The following OIP5 variants were observed in gnomAD, a reference collection of about 807,000 sequenced individuals.
OIP5 encodes the protein Opa interacting protein 5, also known as protein Mis18-beta.
In OIP5, 24 loss-of-function variants were observed where a neutral mutation model predicts 20.3. That is an observed-to-expected ratio of 1.18 (90% CI 0.86 to 1.66). OIP5 has a LOEUF of 1.66. Ranked by LOEUF, OIP5 falls within the 40% of genes most tolerant of loss-of-function variation. OIP5 has a pLI of 0.00. For synonymous variants in OIP5, 143 were observed against 121.3 expected (o/e 1.18, Z -1.17); for missense variants, 339 against 289.5 (o/e 1.17, Z -1.24).
At chr15:41,319,124 G>A (rs2047806277) in intron 3 of OIP5, among the ~76,000 whole-genome samples, 1 of 150,552 alleles carries the variant, frequency 6.6e-6, no homozygotes. Flanking sequence ...AGGCTGGAGT[G>A]TAGTGGTGCA....
intron 2 of OIP5, among the ~76,000 whole-genome samples, chr15:41,330,994 AGT>A (rs1240846422): frequency 2.6e-5 from 4 of 152,076 alleles, no homozygotes; most frequent in Non-Finnish European, 1.5e-5. Flanking sequence ...AGCGATAGGG[AGT>A]GTCTTTTATT....
At chr15:41,326,165 AAAAC>A (rs921162245) in intron 2 of OIP5, among the ~76,000 whole-genome samples, 140 of 152,310 alleles carry the variant, frequency 9.2e-4, no homozygotes, top group Middle Eastern at 3.4e-3. Flanking sequence ...CCATCTCAAA[AAAAC>A]AAACAAACAA....
At chr15:41,312,935 C>G (rs918153290) in intron 4 of OIP5, among the ~76,000 whole-genome samples, 3 of 152,122 alleles carry the variant, frequency 2.0e-5, no homozygotes, top group African/African-American at 7.2e-5. Context: ...GCCAGGAATT[C>G]TTAATAACTG....
chr15:41,314,283 G>C (rs1481361617), intron 3 of OIP5, among the ~76,000 whole-genome samples: 1 of 152,104 alleles, frequency 6.6e-6, no homozygotes, highest in Non-Finnish European at 1.5e-5. Context: ...TGTATTTTTA[G>C]TAGAGATGGG....
intron 1 of OIP5, 104 bp downstream of exon 1, chr15:41,332,136 C>A: frequency 7.2e-7 from 1 of 1,398,516 alleles, no homozygotes; most frequent in South Asian, 1.2e-5. Flanking sequence ...TCCAACTTTT[C>A]ATCCCGTTTT....
intron 1 of OIP5, 89 bp from the exon 2 acceptor site, chr15:41,332,070 A>AT: frequency 7.1e-7 from 1 of 1,402,598 alleles, no homozygotes; most frequent in Non-Finnish European, 1.0e-6. Context: ...CTGGCCGTAA[A>AT]TATCAGGAGA....
chr15:41,317,511 C>G (rs189598196), intron 3 of OIP5, among the ~76,000 whole-genome samples: 174 of 151,988 alleles, frequency 1.1e-3, no homozygotes, highest in African/African-American at 4.1e-3. Context: ...TCCCAAGTAG[C>G]TAGGATTACA....
intron 2 of OIP5, among the ~76,000 whole-genome samples, chr15:41,323,266 C>T (rs1247121479): frequency 1.3e-5 from 2 of 152,130 alleles, no homozygotes; most frequent in African/African-American, 4.8e-5. Flanking sequence ...AGGCAGATCA[C>T]TTGAGATCAG....
At chr15:41,314,701 G>A (rs549075692) in intron 3 of OIP5, among the ~76,000 whole-genome samples, 116 of 149,942 alleles carry the variant, frequency 7.7e-4, no homozygotes, top group African/African-American at 2.7e-3. Context: ...GCGAGATCTC[G>A]GCTCACTGCA....
chr15:41,313,377 AT>A (rs1450254293), intron 3 of OIP5, 23 bp from the exon 4 acceptor site: 2 of 1,262,656 alleles, frequency 1.6e-6, no homozygotes, highest in Admixed American at 3.5e-5. Flanking sequence ...AAAGAAAAAT[AT>A]TAGTGTCATA....
At chr15:41,327,595 C>T (rs2047870046) in intron 2 of OIP5, among the ~76,000 whole-genome samples, 1 of 151,702 alleles carries the variant, frequency 6.6e-6, no homozygotes. Flanking sequence ...TAAGACCATC[C>T]TGGCCAACAT....
intron 2 of OIP5, among the ~76,000 whole-genome samples, chr15:41,324,687 C>T (rs537824437): frequency 2.6e-4 from 40 of 152,182 alleles, no homozygotes; most frequent in African/African-American, 7.5e-4. Context: ...TGGGGTTTCA[C>T]CATGTTGGTC....
chr15:41,310,009 C>T (rs890570888), intron 4 of OIP5, among the ~76,000 whole-genome samples, 160 bp from the exon 5 acceptor site: 10 of 152,176 alleles, frequency 6.6e-5, no homozygotes, highest in African/African-American at 2.4e-4. Flanking sequence ...CCACTTCAGC[C>T]TCCTGATTAG....
chr15:41,315,553 C>T (rs1382478404), intron 3 of OIP5, among the ~76,000 whole-genome samples: 1 of 152,122 alleles, frequency 6.6e-6, no homozygotes, highest in African/African-American at 2.4e-5. Context: ...GTAATTGCAG[C>T]AGCCATCCCG....
intron 3 of OIP5, among the ~76,000 whole-genome samples, chr15:41,315,099 C>CAAA (rs761038863): frequency 1.7e-5 from 1 of 57,690 alleles, no homozygotes; most frequent in African/African-American, 6.4e-5. Context: ...GACCCTGTCT[C>CAAA]AAAAAAAAAA....
chr15:41,312,569 C>T (rs1219586840), intron 4 of OIP5, among the ~76,000 whole-genome samples: 3 of 151,974 alleles, frequency 2.0e-5, no homozygotes, highest in Non-Finnish European at 2.9e-5. Context: ...AAGCGATTCT[C>T]CTGCCTCAGT....
At chr15:41,315,200 C>CG (rs1418966164) in intron 3 of OIP5, among the ~76,000 whole-genome samples, 2 of 151,288 alleles carry the variant, frequency 1.3e-5, no homozygotes, top group African/African-American at 2.4e-5. Flanking sequence ...GAGGCCGAGG[C>CG]GGGGGGATCA....
rs1262691886 is a variant in OIP5, at chr15:41,319,293, G to GCAGTGGCGTGATCTCA, written c.512+349_512+364dup. On this transcript the variant is annotated intron_variant, in intron 3 of 4. Transcript: ENST00000220514. ...CTCACTATGTCTCCCAGGCTGGAGT[G>GCAGTGGCGTGATCTCA]CAGTGGCGTGATCTCACAGTGGCGT... Among the ~76,000 whole-genome samples the GCAGTGGCGTGATCTCA allele has an allele frequency of 8.6e-5, 13 of 150,932 alleles. No homozygotes were observed. In the East Asian group the frequency reaches 1.7e-3, roughly 20 times the overall value.
At position 41,331,982 on chromosome 15, in the gene OIP5, C is replaced by T; in HGVS notation, c.323-1G>A. The T allele has an allele frequency of 1.2e-6, 2 of 1,613,854 alleles. No individual in the cohort carries two copies. Among genetic ancestry groups the T allele is most frequent in the Non-Finnish European group, 1.7e-6 (2 of 1,179,868 alleles). ...TCCAAAACGACGTTATTTGTAACTC[C>T]TAGGAAGACAAACACGGGTCAGAAC... On this transcript the variant is annotated splice_acceptor_variant, in intron 1 of 4. Transcript: ENST00000220514. LOFTEE classifies it high-confidence loss of function.
Sources: gnomAD v4.1 joint callset for allele counts (sites outside exome capture counted in the v4.1 genomes callset) on GRCh38, gnomAD v4.1.1 for gene constraint, MANE v1.5 for transcripts, NCBI Gene and HGNC (gene_info 2026-07-23, HGNC 2026-07-21) for gene names.